The following TBC1D19 variants were observed in gnomAD, a reference collection of about 807,000 sequenced individuals.
TBC1D19 encodes the protein TBC1 domain family, member 19.
Under a neutral mutation model 89.0 loss-of-function variants are expected in TBC1D19, and 60 were observed. The observed-to-expected ratio is 0.67, with a 90% CI of 0.55 to 0.84. TBC1D19 has a LOEUF of 0.84. TBC1D19 is among the 40% of genes least tolerant of loss of function. The probability of loss-of-function intolerance (pLI) is 0.00; values close to 1 mark genes in which losing one functional copy is unlikely to be tolerated. For missense variants in TBC1D19, 500 were observed against 610.8 expected (o/e 0.82, Z 1.91); for synonymous variants, 189 against 199.7 (o/e 0.95, Z 0.45).
chr4:26,824,696 T>C, the TBC1D19 span, among the ~76,000 whole-genome samples: 2 of 152,034 alleles, frequency 1.3e-5, no homozygotes, highest in Admixed American at 6.6e-5. Context: ...TTTTTTTTGC[T>C]ATCATTTACT....
chr4:26,620,540 T>C (rs1741975879), intron 3 of TBC1D19, 73 bp from the exon 4 acceptor site: 8 of 1,208,504 alleles, frequency 6.6e-6, no homozygotes, highest in South Asian at 4.1e-5. Flanking sequence ...GTTTATAACA[T>C]GGACTACAGA....
intron 13 of TBC1D19, among the ~76,000 whole-genome samples, chr4:26,703,335 TTC>T (rs1442064962): frequency 1.3e-5 from 2 of 152,236 alleles, no homozygotes; most frequent in Admixed American, 6.5e-5. Flanking sequence ...ATTGTAAATA[TTC>T]TGTTTTCAGA....
intron 14 of TBC1D19, among the ~76,000 whole-genome samples, chr4:26,719,484 GA>G (rs1716844899): frequency 6.6e-6 from 1 of 152,062 alleles, no homozygotes; most frequent in Admixed American, 6.6e-5. Context: ...GTGGAAGGTG[GA>G]AAAAACTGAG....
At chr4:26,727,138 A>G (rs1263921167) in intron 15 of TBC1D19, among the ~76,000 whole-genome samples, 1 of 152,208 alleles carries the variant, frequency 6.6e-6, no homozygotes, top group African/African-American at 2.4e-5. Context: ...TGCTGGAAAC[A>G]TGCTCTTGGG....
intron 7 of TBC1D19, among the ~76,000 whole-genome samples, chr4:26,650,478 T>A (rs1053747379): frequency 2.2e-4 from 33 of 152,354 alleles, no homozygotes; most frequent in Non-Finnish European, 3.4e-4. Flanking sequence ...GATGAGCATT[T>A]TTTCACGTGT....
the TBC1D19 span, among the ~76,000 whole-genome samples, chr4:26,828,763 C>A: frequency 6.6e-6 from 1 of 152,160 alleles, no homozygotes; most frequent in African/African-American, 2.4e-5. Flanking sequence ...GTAAGGAAAC[C>A]CTGATAAATT....
rs1249763954 is a variant in TBC1D19 at position 26,672,175 on chromosome 4, A to C, written c.691A>C (p.Ile231Leu). 7.7e-7 allele frequency: 1 copy of C among 1,300,564 alleles called. No individual in the cohort carries two copies. The allele number at this position is 1,300,564 out of a possible 1,614,324, so 80.6% of individuals were successfully genotyped here. Residue 231 changes from isoleucine to leucine, a missense_variant, in exon 10 of 21, where the codon ATT (isoleucine) becomes CTT (leucine). Transcript: ENST00000264866. ...ACTTTTTGAAAATGAACATGTACGT[A>C]TTGGGCAAAAAGGTAAGCTTTTAAT... ...PELFENEHVRIGQKVLAEQDS... is the reference protein window; with the variant it reads ...PELFENEHVRLGQKVLAEQDS...
intron 13 of TBC1D19, among the ~76,000 whole-genome samples, chr4:26,705,062 T>C (rs1277409430): frequency 6.6e-6 from 1 of 152,142 alleles, no homozygotes; most frequent in African/African-American, 2.4e-5. Flanking sequence ...CATTTATATA[T>C]CTACTCAGGA....
chr4:26,714,176 T>A (rs879599846), intron 13 of TBC1D19, among the ~76,000 whole-genome samples: 2 of 152,128 alleles, frequency 1.3e-5, no homozygotes, highest in Non-Finnish European at 2.9e-5. Context: ...TTAGACCCTG[T>A]CTCTACCAAA....
At chr4:26,787,017 C>T in the TBC1D19 span, among the ~76,000 whole-genome samples, 1 of 152,070 alleles carries the variant, frequency 6.6e-6, no homozygotes, top group Non-Finnish European at 1.5e-5. Flanking sequence ...ATAATACTTG[C>T]CTTGCAAGCT....
At chr4:26,703,838 G>A (rs548578412) in intron 13 of TBC1D19, among the ~76,000 whole-genome samples, 54 of 151,594 alleles carry the variant, frequency 3.6e-4, no homozygotes, top group Non-Finnish European at 4.4e-4. Flanking sequence ...GCGGGCGCCT[G>A]TAGTCCCAGC....
At chr4:26,801,450 C>A in the TBC1D19 span, among the ~76,000 whole-genome samples, 2 of 152,094 alleles carry the variant, frequency 1.3e-5, no homozygotes, top group African/African-American at 4.8e-5. Context: ...ATGATGCCTC[C>A]AGCTTTGTTC....
At chr4:26,788,443 C>T in the TBC1D19 span, among the ~76,000 whole-genome samples, 1 of 152,146 alleles carries the variant, frequency 6.6e-6, no homozygotes, top group Non-Finnish European at 1.5e-5. Context: ...AAAGAGGGCA[C>T]ATAGTTTTAA....
the TBC1D19 span, among the ~76,000 whole-genome samples, chr4:26,817,981 A>AAATATATATATATATATATAT: frequency 3.3e-4 from 41 of 126,022 alleles, no homozygotes; most frequent in African/African-American, 1.4e-3. Flanking sequence ...AAAAAAAAAA[A>AAATATATATATATATATATAT]ATATATATAT....
the TBC1D19 span, among the ~76,000 whole-genome samples, chr4:26,782,022 G>A: frequency 3.5e-4 from 53 of 152,280 alleles, no homozygotes; most frequent in African/African-American, 1.2e-3. Context: ...CTACTGCCCA[G>A]ATAATCACTG....
chr4:26,843,350 T>G, the TBC1D19 span, among the ~76,000 whole-genome samples: 1 of 152,138 alleles, frequency 6.6e-6, no homozygotes. Flanking sequence ...GACTCTTCTA[T>G]ATTCACATAA....
intron 1 of TBC1D19, among the ~76,000 whole-genome samples, chr4:26,608,940 C>T (rs952484349): frequency 6.7e-6 from 1 of 150,346 alleles, no homozygotes; most frequent in Non-Finnish European, 1.5e-5. Flanking sequence ...TCTCAGCAAA[C>T]TATCGCAAGG....
At chr4:26,754,801 A>G (rs1719178244) in intron 20 of TBC1D19, 72 bp from the exon 21 acceptor site, 5 of 1,227,772 alleles carry the variant, frequency 4.1e-6, no homozygotes, top group Non-Finnish European at 5.6e-6. Context: ...TCAAAATTAC[A>G]TTGTAATTAT....
At chr4:26,591,112 T>A (rs1739769345) in intron 1 of TBC1D19, among the ~76,000 whole-genome samples, 1 of 152,052 alleles carries the variant, frequency 6.6e-6, no homozygotes, top group Non-Finnish European at 1.5e-5. Flanking sequence ...TCTCTATAGT[T>A]TTGCTTTTAA....
Sources: allele counts gnomAD v4.1 joint callset (sites outside exome capture counted in the v4.1 genomes callset), GRCh38; gene constraint gnomAD v4.1.1; transcripts MANE v1.5; gene names NCBI Gene and HGNC (gene_info 2026-07-23, HGNC 2026-07-21).